Variants in EIF3I observed in about 807,000 individuals in gnomAD.
EIF3I encodes eukaryotic translation initiation factor 3 subunit I.
EIF3I carries 20 observed loss-of-function variants against 43.3 expected under a neutral mutation model. The ratio of observed to expected loss-of-function variants is 0.46; its 90% CI spans 0.32 to 0.67. The LOEUF is 0.67. EIF3I is among the 30% of genes least tolerant of loss of function. The pLI is 0.03. For synonymous variants in EIF3I, 167 were observed against 151.7 expected (o/e 1.10, Z -0.74); for missense variants, 279 against 421.4 (o/e 0.66, Z 2.96).
At chr1:32,226,051 T>A in intron 4 of EIF3I, 120 bp from the exon 5 acceptor site, 1 of 1,301,662 alleles carries the variant, frequency 7.7e-7, no homozygotes, top group Non-Finnish European at 1.0e-6. Flanking sequence ...AAAGTTAAAA[T>A]ACTTTTTAAG....
chr1:32,226,171 G>C (rs1202809410), exon 5 of EIF3I: 1 of 1,614,100 alleles, frequency 6.2e-7, no homozygotes, highest in South Asian at 1.1e-5. Context: ...CTGACTCCAG[G>C]AAAGCAGCTG....
chr1:32,224,391 T>G lies in EIF3I; in HGVS notation c.185-19T>G. On this transcript the variant is annotated intron_variant, in intron 3 of 11. Coordinates refer to ENST00000676679, the Ensembl canonical transcript of EIF3I. ...AAGGGCTCGGGTGAACTTCGTCATA[T>G]TTCTTAACAACTCTTCAGGGGACAC... 6.2e-7 allele frequency: 1 copy of G among 1,611,800 alleles called. No individual in the cohort carries two copies. The highest frequency in any genetic ancestry group is 8.5e-7 in the Non-Finnish European group (1 of 1,178,004).
exon 12 of EIF3I, chr1:32,231,203 G>C: frequency 6.2e-7 from 1 of 1,613,524 alleles, no homozygotes; most frequent in East Asian, 2.2e-5. Context: ...TTAAGAAGCT[G>C]GATCTCCTGC....
chr1:32,222,764 G>A (rs1013470472), intron 2 of EIF3I, 134 bp downstream of exon 2: 1 of 876,506 alleles, frequency 1.1e-6, no homozygotes, highest in Non-Finnish European at 1.8e-6. Flanking sequence ...GCCATGCCGG[G>A]GGTAGGTTGG....
exon 11 of EIF3I, chr1:32,230,978 T>C: frequency 6.2e-7 from 1 of 1,609,462 alleles, no homozygotes; most frequent in Non-Finnish European, 8.5e-7. Flanking sequence ...AGGGTCACTT[T>C]GGACCTATCA....
chr1:32,232,998 A>C (rs1039694214), downstream of EIF3I, among the ~76,000 whole-genome samples: 1 of 152,168 alleles, frequency 6.6e-6, no homozygotes, highest in African/African-American at 2.4e-5. Context: ...TTACTTATTT[A>C]TTTATTTATT....
In EIF3I at chr1:32,226,162, T is replaced by C. The variant is rs1428941135; in HGVS notation, c.251-9T>C. The C allele has an allele frequency of 1.2e-6, 2 of 1,613,820 alleles. No individual in the cohort carries two copies. Among genetic ancestry groups the C allele is most frequent in the South Asian group, 1.1e-5 (1 of 91,048 alleles). On this transcript the variant is annotated splice_polypyrimidine_tract_variant and intron_variant, in intron 4 of 11. Coordinates refer to ENST00000676679, the Ensembl canonical transcript of EIF3I. ...TGGATGGTGTAGCCCAGACTTTGCC[T>C]GACTCCAGGAAAGCAGCTGGCCCTT...
downstream of EIF3I, among the ~76,000 whole-genome samples, chr1:32,235,805 A>G (rs1221330670): frequency 2.0e-5 from 3 of 152,194 alleles, no homozygotes; most frequent in African/African-American, 7.2e-5. Flanking sequence ...GCAACATAGC[A>G]TTCCCTGGGG....
chr1:32,224,166 G>A lies in EIF3I; in HGVS notation c.184+45G>A, dbSNP rs372868055. ...GAGTCCGTGTTGCTAGGGTCTGTCAGCGATGGAGAGGCTGAGTTGGGAGTT... is the reference window on the plus strand; with the variant it reads ...GAGTCCGTGTTGCTAGGGTCTGTCAACGATGGAGAGGCTGAGTTGGGAGTT... On this transcript the variant is annotated intron_variant, in intron 3 of 11. Transcript: ENST00000676679. 3.1e-6 allele frequency: 5 copies of A among 1,598,294 alleles called. No homozygotes were observed. The African/African-American group carries it at 5.4e-5, about 17-fold the overall frequency.
chr1:32,224,821 G>A (rs982313594), intron 4 of EIF3I, among the ~76,000 whole-genome samples: 1 of 151,076 alleles, frequency 6.6e-6, no homozygotes, highest in Non-Finnish European at 1.5e-5. Context: ...ATAGGCGCAC[G>A]CCACCATGCT....
exon 7 of EIF3I, chr1:32,228,582 G>T: frequency 6.2e-7 from 1 of 1,614,140 alleles, no homozygotes; most frequent in Non-Finnish European, 8.5e-7. Flanking sequence ...CCATGTTTGT[G>T]ACCGCGTCCA....
At chr1:32,225,972 G>A (rs1055505285) in intron 4 of EIF3I, among the ~76,000 whole-genome samples, 199 bp from the exon 5 acceptor site, 12 of 151,848 alleles carry the variant, frequency 7.9e-5, no homozygotes, top group African/African-American at 2.7e-4. Context: ...AGTGAGAGCC[G>A]AGATTGCACC....
At chr1:32,226,562 G>GAAT (rs749232681) in intron 6 of EIF3I, 32 bp downstream of exon 6, 1 of 1,413,988 alleles carries the variant, frequency 7.1e-7, no homozygotes, top group Non-Finnish European at 9.2e-7. Context: ...GAGCCTACCA[G>GAAT]AATAATTTTT....
chr1:32,229,857 A>G (rs1206571972), intron 9 of EIF3I, among the ~76,000 whole-genome samples: 1 of 151,600 alleles, frequency 6.6e-6, no homozygotes, highest in Non-Finnish European at 1.5e-5. Context: ...AGCCTTCATT[A>G]TATTTCTCTA....
At chr1:32,228,894 T>G in intron 8 of EIF3I, 78 bp downstream of exon 8, 2 of 1,289,212 alleles carry the variant, frequency 1.6e-6, no homozygotes, top group Non-Finnish European at 2.2e-6. Flanking sequence ...GAAGTTGGGC[T>G]ACAACATTGT....
chr1:32,225,411 C>T (rs1377095108), intron 4 of EIF3I, among the ~76,000 whole-genome samples: 1 of 152,144 alleles, frequency 6.6e-6, no homozygotes, highest in East Asian at 1.9e-4. Flanking sequence ...AGTAGTGCCA[C>T]ATTAGCAGGA....
At chr1:32,224,383 T>G in intron 3 of EIF3I, 27 bp from the exon 4 acceptor site, 1 of 1,606,376 alleles carries the variant, frequency 6.2e-7, no homozygotes, top group South Asian at 1.1e-5. Context: ...CGGGTGAACT[T>G]CGTCATATTT....
intron 10 of EIF3I, 53 bp from the exon 10 acceptor site, chr1:32,230,874 A>G (rs1253350645): frequency 5.0e-6 from 7 of 1,393,576 alleles, no homozygotes; most frequent in Admixed American, 2.2e-5. Context: ...GCCACCTCCA[A>G]AGTGTTTTGG....
At chr1:32,222,818 C>T (rs1639046064) in intron 2 of EIF3I, among the ~76,000 whole-genome samples, 188 bp downstream of exon 2, 1 of 152,094 alleles carries the variant, frequency 6.6e-6, no homozygotes, top group Non-Finnish European at 1.5e-5. Context: ...CTCTATTGGC[C>T]GAGTGCGGTG....
Sources: gnomAD v4.1 joint callset for allele counts (sites outside exome capture counted in the v4.1 genomes callset) on GRCh38, gnomAD v4.1.1 for gene constraint, MANE v1.5 for transcripts, NCBI Gene and HGNC (gene_info 2026-07-23, HGNC 2026-07-21) for gene names.